The following FBN2 variants were observed in gnomAD, a reference collection of about 807,000 sequenced individuals.
The protein encoded by FBN2 is fibrillin-2.
FBN2 carries 105 observed loss-of-function variants against 355.6 expected under a neutral mutation model. The ratio of observed to expected loss-of-function variants is 0.30; its 90% confidence interval spans 0.25 to 0.35. The LOEUF is 0.35. FBN2 is among the 10% of genes least tolerant of loss of function. The probability of loss-of-function intolerance (pLI) is 1.00; values close to 1 mark genes in which losing one functional copy is unlikely to be tolerated. For missense variants in FBN2, 3,280 were observed against 3,758.7 expected (o/e 0.87, Z 3.33); for synonymous variants, 1,350 against 1,301.2 (o/e 1.04, Z -0.81).
intron 6 of FBN2, among the ~76,000 whole-genome samples, chr5:128,460,406 A>G (rs1333129815): frequency 6.6e-6 from 1 of 152,230 alleles, no homozygotes; most frequent in Admixed American, 6.5e-5. Context: ...GGAAGAATCA[A>G]TATCATGAAA....
intron 5 of FBN2, among the ~76,000 whole-genome samples, chr5:128,512,910 CA>C (rs1436957956): frequency 1.3e-5 from 2 of 152,080 alleles, no homozygotes; most frequent in African/African-American, 4.8e-5. Context: ...TTATATCATT[CA>C]ATCTTCACAA....
At chr5:128,326,760 C>A (rs181195179) in intron 34 of FBN2, among the ~76,000 whole-genome samples, 2 of 152,244 alleles carry the variant, frequency 1.3e-5, no homozygotes, top group Admixed American at 1.3e-4. Context: ...GAGGGTCCAA[C>A]TGAGGGTGAA....
Position 128,379,070 on chromosome 5 carries a change from G to A in FBN2, c.1604-180C>T, listed in dbSNP as rs532411272. Among the ~76,000 whole-genome samples, 3 of 152,162 alleles carry A rather than the reference G, an allele frequency of 2.0e-5. No individual in the cohort carries two copies. The South Asian group carries it at 6.2e-4, about 32-fold the overall frequency. ...CAAATACACTCAGAGGCCAGTTTGA[G>A]GATTTACAAAAATATCACCTTTTAG... On this transcript the variant is annotated intron_variant, in intron 11 of 64. Transcript: ENST00000262464.
intron 45 of FBN2, among the ~76,000 whole-genome samples, 167 bp downstream of exon 45, chr5:128,304,790 T>C (rs1749821206): frequency 6.6e-6 from 1 of 152,048 alleles, no homozygotes; most frequent in South Asian, 2.1e-4. Flanking sequence ...ATGTCCCTGC[T>C]TGCAAATTTT....
At chr5:128,350,752 G>T in intron 21 of FBN2, 116 bp downstream of exon 21, 1 of 1,207,832 alleles carries the variant, frequency 8.3e-7, no homozygotes, top group Non-Finnish European at 1.2e-6. Flanking sequence ...TAACATTTTA[G>T]CAAAAGTAAA....
chr5:128,428,541 C>CT (rs1753539451), intron 7 of FBN2, among the ~76,000 whole-genome samples: 1 of 152,304 alleles, frequency 6.6e-6, no homozygotes, highest in African/African-American at 2.4e-5. Flanking sequence ...CCTGGCTTAT[C>CT]ACTTTACTTC....
intron 6 of FBN2, among the ~76,000 whole-genome samples, chr5:128,454,266 C>T (rs1026484419): frequency 2.6e-5 from 4 of 152,082 alleles, no homozygotes; most frequent in African/African-American, 9.7e-5. Flanking sequence ...CTCTATTATT[C>T]ATTTTCATGT....
chr5:128,507,803 G>A (rs1470885408), intron 5 of FBN2, among the ~76,000 whole-genome samples: 1 of 152,072 alleles, frequency 6.6e-6, no homozygotes, highest in Admixed American at 6.6e-5. Flanking sequence ...CAAGTAGATT[G>A]ACAGCAGTGC....
intron 8 of FBN2, among the ~76,000 whole-genome samples, chr5:128,403,526 G>A (rs532009051): frequency 1.3e-5 from 2 of 152,196 alleles, no homozygotes; most frequent in East Asian, 3.9e-4. Context: ...CTTTGCCAAC[G>A]CGTTATTTAT....
chr5:128,527,131 C>A (rs1299703160), intron 4 of FBN2, among the ~76,000 whole-genome samples: 2 of 152,228 alleles, frequency 1.3e-5, no homozygotes, highest in East Asian at 3.9e-4. Flanking sequence ...AATAACACTT[C>A]TTTAATGTCA....
At chr5:128,300,315 G>A (rs1749677410) in intron 48 of FBN2, among the ~76,000 whole-genome samples, 1 of 152,240 alleles carries the variant, frequency 6.6e-6, no homozygotes, top group South Asian at 2.1e-4. Flanking sequence ...TGTGGTTACA[G>A]TGTTCGTGTG....
rs200698449 is a variant in FBN2, at chr5:128,464,865, G to A, written c.685C>T (p.Leu229=). The A allele has an allele frequency of 1.4e-5, 22 of 1,614,246 alleles. No homozygotes were observed. In the East Asian group the frequency reaches 4.7e-4, roughly 34 times the overall value. The part of the protein sequence containing the change: ...QVNNQMCQGQ[L]TGIVCTKTLC... Reference sequence around the variant, plus strand: ...GTCTTCGTGCAGACAATGCCTGTCAGCTGCCCTTGGCACATCTGGTTGTTG... The same window carrying A: ...GTCTTCGTGCAGACAATGCCTGTCAACTGCCCTTGGCACATCTGGTTGTTG... Residue 229 remains leucine (L), a synonymous_variant, in exon 6 of 65, where the codon CTG becomes TTG. Coordinates refer to ENST00000262464, the MANE Select transcript of FBN2 (RefSeq NM_001999.4).
intron 7 of FBN2, 74 bp downstream of exon 7, chr5:128,446,407 A>G: frequency 6.6e-7 from 1 of 1,518,170 alleles, no homozygotes; most frequent in Non-Finnish European, 9.1e-7. Flanking sequence ...TAGTCTTCAA[A>G]ATTTCAAATG....
chr5:128,305,197 A>C lies in FBN2; in HGVS notation c.5675-115T>G, dbSNP rs567259801. On this transcript the variant is annotated intron_variant, in intron 44 of 64. Coordinates refer to ENST00000262464, the MANE Select transcript of FBN2 (RefSeq NM_001999.4). ...AATTATTATAGGCAGGCTGAAAATG[A>C]ACCATAACAACAGCTGAATCAAAAT... The C allele has an allele frequency of 1.3e-4, 120 of 943,694 alleles. No individual in the cohort carries two copies. In the African/African-American group the frequency reaches 1.7e-3, roughly 14 times the overall value. 58.5% of individuals were successfully genotyped at this position (943,694 alleles called of 1,614,324 possible).
At chr5:128,263,352 G>T in intron 63 of FBN2, 73 bp downstream of exon 63, 1 of 1,124,212 alleles carries the variant, frequency 8.9e-7, no homozygotes, top group Non-Finnish European at 1.4e-6. Flanking sequence ...ACTCTTCCCT[G>T]CAGTGGGGGG....
chr5:128,394,936 C>G (rs1370036243), intron 9 of FBN2, among the ~76,000 whole-genome samples, 186 bp downstream of exon 9: 1 of 152,150 alleles, frequency 6.6e-6, no homozygotes, highest in Non-Finnish European at 1.5e-5. Context: ...CAGGCATGCA[C>G]CACCATGCCC....
intron 48 of FBN2, among the ~76,000 whole-genome samples, chr5:128,298,920 T>C (rs1749621807): frequency 6.6e-6 from 1 of 152,216 alleles, no homozygotes; most frequent in South Asian, 2.1e-4. Flanking sequence ...GCTCTGCTTT[T>C]TAGAGTTTCT....
chr5:128,344,928 T>C (rs748162915), intron 24 of FBN2, among the ~76,000 whole-genome samples: 2 of 151,862 alleles, frequency 1.3e-5, no homozygotes, highest in Non-Finnish European at 2.9e-5. Flanking sequence ...CTTGAACTCC[T>C]GACCTCAGGT....
chr5:128,289,872 C>A lies in FBN2; in HGVS notation c.6511+10G>T. ...ATAAGAATATAGGAATAAAATATATCAAAGCGTACCTTCACGTGTATCATG... is the reference window on the plus strand; with the variant it reads ...ATAAGAATATAGGAATAAAATATATAAAAGCGTACCTTCACGTGTATCATG... On this transcript the variant is annotated intron_variant, in intron 51 of 64. Transcript: ENST00000262464. 1.3e-6 allele frequency: 2 copies of A among 1,520,830 alleles called. No homozygotes were observed. The highest frequency in any genetic ancestry group is 2.3e-5 in the South Asian group (2 of 88,722). The allele number at this position is 1,520,830 out of a possible 1,614,324, so 94.2% of individuals were successfully genotyped here.
Sources: allele counts gnomAD v4.1 joint callset (sites outside exome capture counted in the v4.1 genomes callset), GRCh38; gene constraint gnomAD v4.1.1; transcripts MANE v1.5; gene names NCBI Gene and HGNC (gene_info 2026-07-23, HGNC 2026-07-21).